Variants in DLG2 observed in about 807,000 individuals in gnomAD.
The protein encoded by DLG2 is discs large MAGUK scaffold protein 2.
Under a neutral mutation model 132.5 loss-of-function variants are expected in DLG2, and 45 were observed. The observed-to-expected ratio is 0.34, with a 90% confidence interval of 0.27 to 0.44. The LOEUF is 0.44. DLG2 is among the 20% of genes least tolerant of loss of function. The pLI is 1.00. For missense variants in DLG2, 1,045 were observed against 1,196.9 expected, an observed-to-expected ratio of 0.87 and a Z score of 1.87; for synonymous variants, 424 against 419.6, an observed-to-expected ratio of 1.01 and a Z score of -0.13.
intron 11 of DLG2, among the ~76,000 whole-genome samples, chr11:84,040,794 C>G (rs2154105524): frequency 6.6e-6 from 1 of 151,676 alleles, no homozygotes; most frequent in South Asian, 2.1e-4. Flanking sequence ...GGCATTGAAT[C>G]TGTAAATTAC....
Position 84,861,637 on chromosome 11 carries a change from A to C in DLG2, c.357+250024T>G, listed in dbSNP as rs201810431. 4.3e-3 allele frequency among the ~76,000 whole-genome samples: 300 copies of C among 69,484 alleles called. 5 individuals carry two copies. The highest frequency in any genetic ancestry group is 0.016 in the African/African-American group (269 of 17,050). The allele number at this position is 69,484 out of a possible 152,430, so 45.6% of individuals were successfully genotyped here. On this transcript the variant is annotated intron_variant, in intron 6 of 27. Transcript: ENST00000376104. Reference sequence around the variant, plus strand: ...ACACAGCAAAAAAAAAAAAAAAAAAAAACAAAAAAAAAAACCTATCAGAGG... The same window carrying C: ...ACACAGCAAAAAAAAAAAAAAAAAACAACAAAAAAAAAAACCTATCAGAGG...
intron 6 of DLG2, among the ~76,000 whole-genome samples, chr11:84,863,423 A>T (rs535694036): frequency 7.2e-5 from 11 of 152,214 alleles, no homozygotes; most frequent in Non-Finnish European, 1.6e-4. Context: ...GCTTTTCCTT[A>T]TCCTGTGACA....
At chr11:83,472,070 C>G (rs1016275324) in intron 23 of DLG2, among the ~76,000 whole-genome samples, 1 of 152,088 alleles carries the variant, frequency 6.6e-6, no homozygotes, top group Non-Finnish European at 1.5e-5. Context: ...GAATCCAAAC[C>G]AGCTGTTTGG....
intron 10 of DLG2, among the ~76,000 whole-genome samples, chr11:84,095,331 A>C (rs2097151222): frequency 6.6e-6 from 1 of 152,152 alleles, no homozygotes; most frequent in Admixed American, 6.5e-5. Flanking sequence ...CATCTCAGTG[A>C]AGTAGGTATT....
intron 8 of DLG2, among the ~76,000 whole-genome samples, chr11:84,222,856 G>A (rs1357988686): frequency 2.0e-5 from 3 of 152,138 alleles, no homozygotes; most frequent in Non-Finnish European, 4.4e-5. Flanking sequence ...CACCAATTTG[G>A]TAAAACTGCA....
intron 11 of DLG2, among the ~76,000 whole-genome samples, chr11:83,994,329 G>A (rs183716885): frequency 1.3e-5 from 2 of 152,268 alleles, no homozygotes; most frequent in East Asian, 3.9e-4. Flanking sequence ...TGAAGGTGGA[G>A]GGGAAAATAA....
In DLG2 at chr11:85,608,149, C is replaced by T. The variant is rs1032230736; in HGVS notation, c.-92-9361G>A. On this transcript the variant is annotated intron_variant, in intron 2 of 27. Coordinates refer to ENST00000376104, the MANE Select transcript of DLG2 (RefSeq NM_001142699.3). ...CACAACTATTCTGATTAGCAGGGTC[C>T]AGGGACCGTTGTGGGTTCTTGGGCA... Among the ~76,000 whole-genome samples the T allele has an allele frequency of 2.6e-5, 4 of 152,176 alleles. No individual in the cohort carries two copies. The East Asian group carries it at 7.7e-4, about 29-fold the overall frequency.
intron 8 of DLG2, among the ~76,000 whole-genome samples, chr11:84,250,390 C>G (rs1474861160): frequency 2.0e-5 from 3 of 152,160 alleles, no homozygotes; most frequent in Non-Finnish European, 4.4e-5. Context: ...GTGCTAGGTA[C>G]TGTTCTAAGT....
intron 11 of DLG2, among the ~76,000 whole-genome samples, chr11:84,031,588 G>T (rs1357790957): frequency 1.3e-5 from 2 of 152,178 alleles, no homozygotes; most frequent in African/African-American, 4.8e-5. Flanking sequence ...AGGTATGAAT[G>T]TATGTACAAG....
intron 6 of DLG2, among the ~76,000 whole-genome samples, chr11:84,739,231 C>T (rs1379698466): frequency 2.6e-5 from 4 of 152,102 alleles, no homozygotes; most frequent in Admixed American, 2.0e-4. Context: ...GATTAAATAT[C>T]TTAGGTGGTT....
intron 6 of DLG2, among the ~76,000 whole-genome samples, chr11:84,669,227 T>A (rs529759564): frequency 4.6e-5 from 7 of 152,152 alleles, no homozygotes; most frequent in African/African-American, 1.7e-4. Context: ...GTAAAGATCC[T>A]CATGTAGAAC....
chr11:85,225,752 A>T (rs988925146), intron 4 of DLG2, among the ~76,000 whole-genome samples: 4 of 152,132 alleles, frequency 2.6e-5, no homozygotes, highest in African/African-American at 7.2e-5. Context: ...CTCCAGAGGT[A>T]GTCTCAAACA....
At chr11:85,178,328 C>G (rs865856151) in intron 4 of DLG2, among the ~76,000 whole-genome samples, 2 of 152,046 alleles carry the variant, frequency 1.3e-5, no homozygotes, top group Middle Eastern at 3.4e-3. Context: ...AAGAGAATAA[C>G]ACAAATATAG....
intron 3 of DLG2, among the ~76,000 whole-genome samples, chr11:85,506,286 C>A (rs2093931306): frequency 6.6e-6 from 1 of 151,920 alleles, no homozygotes; most frequent in Non-Finnish European, 1.5e-5. Flanking sequence ...CTTGTTTCAC[C>A]AGTTCTTTTA....
chr11:84,323,361 A>G (rs1279131777), intron 7 of DLG2, among the ~76,000 whole-genome samples: 2 of 152,166 alleles, frequency 1.3e-5, no homozygotes, highest in African/African-American at 4.8e-5. Context: ...GTTGTAGCAT[A>G]TGATAGGATT....
chr11:85,430,953 C>T (rs2091139704), intron 3 of DLG2, among the ~76,000 whole-genome samples: 1 of 151,348 alleles, frequency 6.6e-6, no homozygotes, highest in African/African-American at 2.4e-5. Context: ...GCATGAGTGA[C>T]AGAGCGAGAC....
intron 6 of DLG2, among the ~76,000 whole-genome samples, chr11:85,085,699 T>C (rs935807085): frequency 3.3e-5 from 5 of 152,138 alleles, no homozygotes; most frequent in Admixed American, 2.6e-4. Flanking sequence ...AATATGGAGA[T>C]AACATTTTAC....
intron 6 of DLG2, among the ~76,000 whole-genome samples, chr11:84,551,778 T>C (rs1218999527): frequency 2.0e-5 from 3 of 152,218 alleles, no homozygotes; most frequent in Non-Finnish European, 4.4e-5. Flanking sequence ...CTTTGGTCCT[T>C]TGGTTTAAAA....
chr11:85,233,948 T>G (rs983645229), intron 4 of DLG2, among the ~76,000 whole-genome samples: 1 of 151,888 alleles, frequency 6.6e-6, no homozygotes, highest in African/African-American at 2.4e-5. Context: ...AATTTTAAAG[T>G]GCAGAGAGGT....
Sources: allele counts gnomAD v4.1 joint callset (sites outside exome capture counted in the v4.1 genomes callset), GRCh38; gene constraint gnomAD v4.1.1; transcripts MANE v1.5; gene names NCBI Gene and HGNC (gene_info 2026-07-23, HGNC 2026-07-21).